Variants in AKIRIN2 observed in about 807,000 individuals in gnomAD.
The protein encoded by AKIRIN2 is akirin-2.
In AKIRIN2, 6 loss-of-function variants were observed where a neutral mutation model predicts 29.3. The observed-to-expected ratio is 0.20, with a 90% CI of 0.11 to 0.40. The LOEUF is 0.40. AKIRIN2 is among the 10% of genes least tolerant of loss of function. The pLI is 1.00. For missense variants in AKIRIN2, 210 were observed against 276.1 expected (o/e 0.76, Z 1.70); for synonymous variants, 128 against 117.5 (o/e 1.09, Z -0.58).
At position 87,702,205 on chromosome 6, in the gene AKIRIN2, C is replaced by T. The variant is rs909929932; in HGVS notation, c.-521G>A. 1.5e-5 allele frequency: 6 copies of T among 397,720 alleles called. No homozygotes were observed. The highest frequency in any genetic ancestry group is 2.7e-5 in the Non-Finnish European group (6 of 225,814). The allele number at this position is 397,720 out of a possible 1,614,324, so 24.6% of individuals were successfully genotyped here. A position where few individuals can be genotyped will look rare whatever the true frequency, so the allele number is the denominator to read the frequency against. The stretch of plus-strand genomic sequence containing the variant: ...CAGCAGGAACCCAAGCGAACACGTC[C>T]AACCGCTTCCCCTCCCTCGTAGAAC... On this transcript the variant is annotated 5_prime_UTR_variant, in exon 1 of 5. Transcript: ENST00000257787.
intron 1 of AKIRIN2, among the ~76,000 whole-genome samples, chr6:87,688,313 G>A (rs912433402): frequency 1.3e-5 from 2 of 152,072 alleles, no homozygotes; most frequent in Non-Finnish European, 2.9e-5. Context: ...TGTATTTTTA[G>A]TAGAGACAGA....
intron 1 of AKIRIN2, among the ~76,000 whole-genome samples, chr6:87,685,670 AT>A: frequency 6.6e-6 from 1 of 152,298 alleles, no homozygotes; most frequent in South Asian, 2.1e-4. Context: ...TTAGAGCAAA[AT>A]ATCTAGAGTT....
intron 1 of AKIRIN2, among the ~76,000 whole-genome samples, chr6:87,699,387 A>G (rs899207807): frequency 3.9e-5 from 6 of 152,220 alleles, no homozygotes; most frequent in African/African-American, 1.4e-4. Flanking sequence ...TAATTTTAGC[A>G]AGTCAAAATT....
chr6:87,684,618 T>C (rs748710936), intron 1 of AKIRIN2, among the ~76,000 whole-genome samples: 1 of 152,204 alleles, frequency 6.6e-6, no homozygotes, highest in African/African-American at 2.4e-5. Flanking sequence ...TTCACATAAA[T>C]AGAATCATAA....
intron 1 of AKIRIN2, among the ~76,000 whole-genome samples, chr6:87,687,044 C>CAAAA (rs10652176): frequency 8.9e-5 from 6 of 67,438 alleles, no homozygotes; most frequent in African/African-American, 2.1e-4. Flanking sequence ...GACTTAGACT[C>CAAAA]AAAAAAAAAA....
In AKIRIN2 at chr6:87,701,761, G is replaced by A. The variant is rs149770322; in HGVS notation, c.-77C>T. On this transcript the variant is annotated 5_prime_UTR_variant, in exon 1 of 5. Coordinates refer to ENST00000257787, the MANE Select transcript of AKIRIN2 (RefSeq NM_018064.4). ...GAAAGAAGAGGGTGAGGGAAGGGGT[G>A]AAGAGCGGGAACTCGAGGAGAGCCT... The A allele has an allele frequency of 2.5e-4, 275 of 1,085,760 alleles. 3 individuals carry two copies. The African/African-American group carries it at 3.7e-3, about 15-fold the overall frequency. The allele number at this position is 1,085,760 out of a possible 1,614,324, so 67.3% of individuals were successfully genotyped here.
chr6:87,676,607 A>ACGCG (rs1562395554), intron 3 of AKIRIN2, among the ~76,000 whole-genome samples: 16 of 74,352 alleles, frequency 2.2e-4, no homozygotes, highest in African/African-American at 7.3e-4. Flanking sequence ...ACACACACAC[A>ACGCG]CACACACACA....
Position 87,701,883 on chromosome 6 carries a change from G to A in AKIRIN2, c.-199C>T, listed in dbSNP as rs926341536. ...CCTCCGCGGCAGGGGCAGTGGCCAG[G>A]GACGGCCCGGGTGAGAGCGGGAGGG... On this transcript the variant is annotated 5_prime_UTR_variant, in exon 1 of 5. Coordinates refer to ENST00000257787, the MANE Select transcript of AKIRIN2 (RefSeq NM_018064.4). The A allele has an allele frequency of 2.3e-5, 10 of 436,206 alleles. No individual in the cohort carries two copies. The highest frequency in any genetic ancestry group is 1.7e-4 in the Admixed American group (4 of 23,352). 27.0% of individuals were successfully genotyped at this position (436,206 alleles called of 1,614,324 possible). A position where few individuals can be genotyped will look rare whatever the true frequency, so the allele number is the denominator to read the frequency against.
At chr6:87,686,120 C>A (rs1446145377) in intron 1 of AKIRIN2, among the ~76,000 whole-genome samples, 1 of 151,986 alleles carries the variant, frequency 6.6e-6, no homozygotes, top group African/African-American at 2.4e-5. Flanking sequence ...GAGGCAGAGG[C>A]AGGAGAATTG....
rs551431107 is a variant in AKIRIN2 at position 87,701,873 on chromosome 6, C to A, written c.-189G>T. The A allele has an allele frequency of 1.1e-5, 5 of 449,002 alleles. No homozygotes were observed. The Admixed American group carries it at 2.1e-4, about 19-fold the overall frequency. 27.8% of individuals were successfully genotyped at this position (449,002 alleles called of 1,614,324 possible). ...GCCGCCGCTGCCTCCGCGGCAGGGGCAGTGGCCAGGGACGGCCCGGGTGAG... is the reference window on the plus strand; with the variant it reads ...GCCGCCGCTGCCTCCGCGGCAGGGGAAGTGGCCAGGGACGGCCCGGGTGAG... On this transcript the variant is annotated 5_prime_UTR_variant, in exon 1 of 5. Coordinates refer to ENST00000257787, the MANE Select transcript of AKIRIN2 (RefSeq NM_018064.4).
intron 3 of AKIRIN2, among the ~76,000 whole-genome samples, chr6:87,676,479 G>A (rs770569920): frequency 5.6e-4 from 81 of 145,276 alleles, no homozygotes; most frequent in Admixed American, 1.3e-3. Flanking sequence ...AAACGAGGCC[G>A]GGCGCGGTGG....
intron 1 of AKIRIN2, among the ~76,000 whole-genome samples, chr6:87,687,535 A>T (rs1262767416): frequency 6.6e-6 from 1 of 152,080 alleles, no homozygotes; most frequent in Admixed American, 6.6e-5. Flanking sequence ...AGAAACTAAA[A>T]CAGTTATGTT....
At chr6:87,694,946 T>C (rs1198556656) in intron 1 of AKIRIN2, among the ~76,000 whole-genome samples, 2 of 152,212 alleles carry the variant, frequency 1.3e-5, no homozygotes, top group Non-Finnish European at 2.9e-5. Flanking sequence ...CACTAGAATT[T>C]TAAATTACCT....
At chr6:87,687,712 C>T (rs1014492973) in intron 1 of AKIRIN2, among the ~76,000 whole-genome samples, 5 of 152,176 alleles carry the variant, frequency 3.3e-5, no homozygotes, top group African/African-American at 1.2e-4. Flanking sequence ...TGTTATAACT[C>T]TGCAGGTAAA....
chr6:87,677,664 C>G (rs1265276510), intron 3 of AKIRIN2, among the ~76,000 whole-genome samples, 154 bp downstream of exon 3: 1 of 152,164 alleles, frequency 6.6e-6, no homozygotes, highest in Non-Finnish European at 1.5e-5. Context: ...CGGGCATGAG[C>G]TATAAGAAGG....
At chr6:87,678,237 G>A (rs990141268) in intron 2 of AKIRIN2, among the ~76,000 whole-genome samples, 3 of 152,132 alleles carry the variant, frequency 2.0e-5, no homozygotes, top group Non-Finnish European at 2.9e-5. Context: ...AAGGTTGGGC[G>A]TGGTGCTCAC....
chr6:87,692,637 C>T (rs978694052), intron 1 of AKIRIN2, among the ~76,000 whole-genome samples: 11 of 152,118 alleles, frequency 7.2e-5, no homozygotes, highest in Admixed American at 2.0e-4. Flanking sequence ...CATGGCAAAA[C>T]CCTGTCTCTA....
chr6:87,701,807 A>C lies in AKIRIN2; in HGVS notation c.-123T>G. On this transcript the variant is annotated 5_prime_UTR_variant, in exon 1 of 5. Coordinates refer to ENST00000257787, the MANE Select transcript of AKIRIN2 (RefSeq NM_018064.4). ...AGCCTACCCGACGGGCTCAGGAGCC[A>C]AGCGGGTCGCGGAGCGCCGGCTGTG... The C allele has an allele frequency of 1.5e-6, 1 of 684,834 alleles. No individual in the cohort carries two copies. The highest frequency in any genetic ancestry group is 4.1e-5 in the Admixed American group (1 of 24,102). The allele number at this position is 684,834 out of a possible 1,614,324, so 42.4% of individuals were successfully genotyped here. A position where few individuals can be genotyped will look rare whatever the true frequency, so the allele number is the denominator to read the frequency against.
At chr6:87,696,471 A>G (rs762323881) in intron 1 of AKIRIN2, among the ~76,000 whole-genome samples, 2 of 141,292 alleles carry the variant, frequency 1.4e-5, no homozygotes, top group South Asian at 2.3e-4. Flanking sequence ...GGAGGCTGAG[A>G]CGGGCAGATC....
Sources: gnomAD v4.1 joint callset for allele counts (sites outside exome capture counted in the v4.1 genomes callset) on GRCh38, gnomAD v4.1.1 for gene constraint, MANE v1.5 for transcripts, NCBI Gene and HGNC (gene_info 2026-07-23, HGNC 2026-07-21) for gene names.